Variants in FAN1 observed in about 807,000 individuals in gnomAD.
FAN1 encodes fanconi-associated nuclease 1.
Under a neutral mutation model 104.9 loss-of-function variants are expected in FAN1, and 91 were observed. The observed-to-expected ratio is 0.87, with a 90% CI of 0.73 to 1.03. FAN1 has a LOEUF of 1.03. FAN1 is among the 50% of genes least tolerant of loss of function. The probability of loss-of-function intolerance (pLI) is 0.00; values close to 1 mark genes in which losing one functional copy is unlikely to be tolerated. For missense variants in FAN1, 1,263 were observed against 1,239.9 expected, an observed-to-expected ratio of 1.02 and a Z score of -0.28; for synonymous variants, 478 against 457.6, an observed-to-expected ratio of 1.04 and a Z score of -0.57.
chr15:30,910,525 T>C (rs2062075444), intron 3 of FAN1, 89 bp from the exon 4 acceptor site: 2 of 752,194 alleles, frequency 2.7e-6, no homozygotes, highest in Non-Finnish European at 4.1e-6. Flanking sequence ...ATTTTCTTAG[T>C]AGCATTTCAT....
chr15:30,936,934 A>C (rs2062871264), intron 13 of FAN1, among the ~76,000 whole-genome samples, 185 bp from the exon 14 acceptor site: 1 of 152,208 alleles, frequency 6.6e-6, no homozygotes, highest in Admixed American at 6.5e-5. Flanking sequence ...ACCATTTTTA[A>C]GTCAAAAAAT....
Position 30,929,662 on chromosome 15 carries a change from G to A in FAN1, c.2787+265G>A, listed in dbSNP as rs573071556. ...ATATACAATATATAATATAATATAT[G>A]AAATATATAATATATCATATAATAT... On this transcript the variant is annotated intron_variant, in intron 12 of 14. Coordinates refer to ENST00000362065, the MANE Select transcript of FAN1 (RefSeq NM_014967.5). Among the ~76,000 whole-genome samples, 307 of 99,502 alleles carry A rather than the reference G, an allele frequency of 3.1e-3. 6 individuals carry two copies. The highest frequency in any genetic ancestry group is 0.014 in the African/African-American group (285 of 21,032). 65.3% of individuals were successfully genotyped at this position (99,502 alleles called of 152,430 possible). A position where few individuals can be genotyped will look rare whatever the true frequency, so the allele number is the denominator to read the frequency against.
At chr15:30,929,694 AATAT>A (rs1188997007) in intron 12 of FAN1, among the ~76,000 whole-genome samples, 1 of 59,840 alleles carries the variant, frequency 1.7e-5, no homozygotes, top group Non-Finnish European at 3.6e-5. Flanking sequence ...ATATATATAA[AATAT>A]ATATTATATC....
chr15:30,921,386 G>C (rs1468657708), intron 7 of FAN1, among the ~76,000 whole-genome samples: 1 of 152,164 alleles, frequency 6.6e-6, no homozygotes, highest in Admixed American at 6.5e-5. Context: ...ATTGTCTGGA[G>C]ACAATTTATA....
In FAN1 at chr15:30,905,018, AGG is replaced by A. The variant is rs2061941685; in HGVS notation, c.357_358del (p.Glu120SerfsTer10). ...CCCTGGCCAAAGTGATTCAGCAAAA[AGG>A]GAAGTAAAGCAGAAGATCAGTCCCT... The part of the protein sequence containing the change: ...LTPGQSDSAK[R>X]EVKQKISPYF... On this transcript the variant is annotated frameshift_variant, in exon 2 of 15. Coordinates refer to ENST00000362065, the MANE Select transcript of FAN1 (RefSeq NM_014967.5). LOFTEE classifies it high-confidence loss of function. 6.2e-7 allele frequency: 1 copy of A among 1,614,112 alleles called. No homozygotes were observed. Among genetic ancestry groups the A allele is most frequent in the Non-Finnish European group, 8.5e-7 (1 of 1,180,034 alleles).
rs144378191 is a variant in FAN1, at chr15:30,933,315, A to T, written c.2916+2644A>T. Among the ~76,000 whole-genome samples, 115 of 152,222 alleles carry T rather than the reference A, an allele frequency of 7.6e-4. No individual in the cohort carries two copies. In the East Asian group the frequency reaches 0.016, roughly 21 times the overall value. ...TTTATCTGAACCTCACAAATTTAGT[A>T]GTTGTTTTCATTTTCATTCAGTTCA... is the stretch of plus-strand genomic sequence containing the variant. On this transcript the variant is annotated intron_variant, in intron 13 of 14. Coordinates refer to ENST00000362065, the MANE Select transcript of FAN1 (RefSeq NM_014967.5).
chr15:30,938,306 C>G (rs1444501288), intron 14 of FAN1, among the ~76,000 whole-genome samples: 2 of 152,100 alleles, frequency 1.3e-5, no homozygotes, highest in African/African-American at 4.8e-5. Flanking sequence ...AGCTGTTAAA[C>G]TTTTATGATT....
chr15:30,910,482 A>G (rs2062074509), intron 3 of FAN1, 132 bp from the exon 4 acceptor site: 1 of 565,290 alleles, frequency 1.8e-6, no homozygotes, highest in African/African-American at 1.9e-5. Context: ...TAATAATTCC[A>G]CATTTAATGA....
chr15:30,906,870 C>T lies in FAN1; in HGVS notation c.1234+973C>T, dbSNP rs1040649657. 6.6e-5 allele frequency among the ~76,000 whole-genome samples: 10 copies of T among 152,142 alleles called. No individual in the cohort carries two copies. In the East Asian group the frequency reaches 1.7e-3, roughly 26 times the overall value. On this transcript the variant is annotated intron_variant, in intron 2 of 14. Transcript: ENST00000362065. The stretch of plus-strand genomic sequence containing the variant: ...TAGCACATTGGCTTTTCTATCCAAA[C>T]TAGTCACAGATCTTTGGTTGGGTGC...
chr15:30,914,669 AT>A (rs201781505), intron 5 of FAN1, among the ~76,000 whole-genome samples: 2 of 151,904 alleles, frequency 1.3e-5, no homozygotes, highest in Non-Finnish European at 2.9e-5. Flanking sequence ...CTCGGCCTGT[AT>A]TTTTTTTGAC....
In FAN1 at chr15:30,924,551, C is replaced by T. The variant is rs143708695; in HGVS notation, c.2173-576C>T. On this transcript the variant is annotated intron_variant, in intron 8 of 14. Coordinates refer to ENST00000362065, the MANE Select transcript of FAN1 (RefSeq NM_014967.5). Reference sequence around the variant, plus strand: ...AGTGTGAAGTGGTATCTCCTTGTGGCTTTCTGTGTTTGTTTATTTGTCTGA... The same window carrying T: ...AGTGTGAAGTGGTATCTCCTTGTGGTTTTCTGTGTTTGTTTATTTGTCTGA... 4.3e-3 allele frequency among the ~76,000 whole-genome samples: 654 copies of T among 152,244 alleles called. 2 individuals carry two copies. Among genetic ancestry groups the T allele is most frequent in the African/African-American group, 0.015 (620 of 41,532 alleles).
intron 10 of FAN1, chr15:30,927,749 G>A (rs2062501649): frequency 1.0e-6 from 1 of 985,654 alleles, no homozygotes; most frequent in South Asian, 4.7e-5. Context: ...TGTCGGGAGG[G>A]CTGATGTGCA....
rs769682343 is a variant in FAN1 at position 30,937,230 on chromosome 15, G to C, written c.3028G>C (p.Gly1010Arg). The C allele has an allele frequency of 6.2e-7, 1 of 1,613,836 alleles. No individual in the cohort carries two copies. The highest frequency in any genetic ancestry group is 1.3e-5 in the African/African-American group (1 of 74,896). ...EVEVCHVVAV[G>R]AKSQSLS ...AGAAGTCTGCCATGTGGTTGCAGTT[G>C]GAGCTAAGAGCCAAAGCCTTAGCTA... The change falls in exon 14 of 15, where the codon GGA becomes CGA. Residue 1010 changes from glycine (G) to arginine (R), a missense_variant. Transcript: ENST00000362065.
intron 7 of FAN1, among the ~76,000 whole-genome samples, chr15:30,921,319 C>T (rs538734082): frequency 1.3e-5 from 2 of 152,214 alleles, no homozygotes; most frequent in South Asian, 4.2e-4. Context: ...TTGGCAGGTC[C>T]CCAGAAATCT....
intron 3 of FAN1, among the ~76,000 whole-genome samples, chr15:30,909,782 T>C (rs2062058195): frequency 6.6e-6 from 1 of 152,202 alleles, no homozygotes; most frequent in South Asian, 2.1e-4. Context: ...TTCCACCACG[T>C]GGCCACACGG....
rs769443742 is a variant in FAN1, at chr15:30,925,911, C to T, written c.2460C>T (p.Ala820=). 8 of 1,614,104 alleles carry T rather than the reference C, an allele frequency of 5.0e-6. No homozygotes were observed. The East Asian group carries it at 8.9e-5, about 18-fold the overall frequency. The change falls in exon 10 of 15, where the codon GCC becomes GCT. Residue 820 remains alanine, a synonymous_variant. Transcript: ENST00000362065. ...GCTCTGTGGAGGAGCTGGCACTGGC[C>T]CATTACAGACGCAGCGGTTTTGACC... ...VLCSVEELAL[A]HYRRSGFDQG...
intron 3 of FAN1, 101 bp downstream of exon 3, chr15:30,908,359 T>C: frequency 3.1e-6 from 3 of 979,910 alleles, no homozygotes; most frequent in Non-Finnish European, 4.3e-6. Context: ...CCCGGGGTGG[T>C]GCCTGGTAAC....
intron 13 of FAN1, among the ~76,000 whole-genome samples, chr15:30,936,224 A>G (rs554792719): frequency 6.6e-6 from 1 of 152,312 alleles, no homozygotes; most frequent in South Asian, 2.1e-4. Flanking sequence ...GAATGCCATG[A>G]AAGAAGTGCA....
Position 30,910,830 on chromosome 15 carries a change from TG to T in FAN1, c.1577+16del, listed in dbSNP as rs1343185476. 3 of 1,611,064 alleles carry T rather than the reference TG, an allele frequency of 1.9e-6. No homozygotes were observed. Among genetic ancestry groups the T allele is most frequent in the African/African-American group, 2.7e-5 (2 of 74,866 alleles). On this transcript the variant is annotated intron_variant, in intron 4 of 14. Transcript: ENST00000362065. ...ATTTTAAAAAGGTTTTGTTGGCTATTGTTACAGTAAAAACATTTAAAATGTT... is the reference window on the plus strand; with the variant it reads ...ATTTTAAAAAGGTTTTGTTGGCTATTTTACAGTAAAAACATTTAAAATGTT...
Sources: gnomAD v4.1 joint callset for allele counts (sites outside exome capture counted in the v4.1 genomes callset) on GRCh38, gnomAD v4.1.1 for gene constraint, MANE v1.5 for transcripts, NCBI Gene and HGNC (gene_info 2026-07-23, HGNC 2026-07-21) for gene names.